CUX2: variants seen among roughly 807,000 people sequenced by gnomAD.
CUX2 encodes cut like homeobox 2.
A neutral mutation model predicts 144.8 loss-of-function variants in CUX2; 40 were observed. The ratio of observed to expected loss-of-function variants is 0.28; its 90% CI spans 0.21 to 0.36. The LOEUF is 0.36. CUX2 is among the 10% of genes least tolerant of loss of function. The pLI is 1.00. For missense variants in CUX2, 1,615 were observed against 1,994.0 expected (o/e 0.81, Z 3.62); for synonymous variants, 827 against 875.6 (o/e 0.94, Z 0.98).
chr12:111,060,554 G>A (rs1870721817), intron 1 of CUX2, among the ~76,000 whole-genome samples: 1 of 152,230 alleles, frequency 6.6e-6, no homozygotes, highest in Non-Finnish European at 1.5e-5. Context: ...CTTGTCACAA[G>A]CACAGAGTTT....
chr12:111,325,638 G>A (rs1167955350), intron 18 of CUX2, among the ~76,000 whole-genome samples: 2 of 142,362 alleles, frequency 1.4e-5, no homozygotes, highest in African/African-American at 5.4e-5. Context: ...GGGGAGGGGT[G>A]GGTTTTGTTT....
At chr12:111,270,217 T>C (rs556406523) in intron 4 of CUX2, 1 of 152,290 alleles carries the variant, frequency 6.6e-6, no homozygotes, top group South Asian at 2.1e-4. Flanking sequence ...CCTGTTTTTA[T>C]ATTTCTTGAC....
intron 1 of CUX2, among the ~76,000 whole-genome samples, chr12:111,064,781 G>A (rs962194303): frequency 1.5e-4 from 23 of 152,142 alleles, no homozygotes; most frequent in African/African-American, 5.1e-4. Context: ...CTGTGAAATT[G>A]GGCAAGTGAA....
At chr12:111,275,906 T>G (rs1460732012) in intron 4 of CUX2, among the ~76,000 whole-genome samples, 1 of 152,118 alleles carries the variant, frequency 6.6e-6, no homozygotes, top group East Asian at 1.9e-4. Flanking sequence ...CTAACGAAAA[T>G]TCAGATTCAG....
chr12:111,304,114 G>C lies in CUX2; in HGVS notation c.754-96G>C. 1 of 963,518 alleles carries C rather than the reference G, an allele frequency of 1.0e-6. No individual in the cohort carries two copies. The highest frequency in any genetic ancestry group is 2.6e-5 in the East Asian group (1 of 38,188). The allele number at this position is 963,518 out of a possible 1,614,324, so 59.7% of individuals were successfully genotyped here. ...GAAGGCAGGACCTGAGGCCCTCGGA[G>C]GTCTGCCTCCCCAACCCCTGCCTGA... On this transcript the variant is annotated intron_variant, in intron 9 of 21. Transcript: ENST00000261726. This position sits in a 1 kb window ranked among gnomAD's most constrained non-coding sequence, Gnocchi z 4.7.
At chr12:111,111,325 A>G (rs531729609) in intron 1 of CUX2, among the ~76,000 whole-genome samples, 1 of 152,110 alleles carries the variant, frequency 6.6e-6, no homozygotes, top group Admixed American at 6.5e-5. Flanking sequence ...AAGAGAGACA[A>G]TGGCTTTGAA....
At chr12:111,104,554 G>T (rs1289951159) in intron 1 of CUX2, among the ~76,000 whole-genome samples, 3 of 152,226 alleles carry the variant, frequency 2.0e-5, no homozygotes, top group African/African-American at 7.2e-5. Flanking sequence ...TCACCCTCTG[G>T]CTGTGTGATG....
chr12:111,173,468 C>G (rs1202431658), intron 1 of CUX2, among the ~76,000 whole-genome samples: 1 of 152,260 alleles, frequency 6.6e-6, no homozygotes, highest in Non-Finnish European at 1.5e-5. Context: ...GGCACCTACT[C>G]TCTTCTAGGC....
intron 1 of CUX2, among the ~76,000 whole-genome samples, chr12:111,107,033 C>T (rs747551320): frequency 1.2e-4 from 19 of 152,322 alleles, no homozygotes; most frequent in South Asian, 2.1e-4. Flanking sequence ...AATGATAACA[C>T]GCAATGCCAC....
intron 16 of CUX2, among the ~76,000 whole-genome samples, chr12:111,313,277 G>A (rs1886998413): frequency 1.3e-5 from 2 of 149,202 alleles, no homozygotes; most frequent in African/African-American, 5.0e-5. Context: ...CACCATGTTG[G>A]TCAGGCTGCT....
In CUX2 at chr12:111,263,421, C is replaced by T. The variant is rs576463144; in HGVS notation, c.223-340C>T. ...AAGAGTTTGAGACCATCCTGGCCAACGTGGTCAAACCGTCTCTACCAAAAG... is the reference window on the plus strand; with the variant it reads ...AAGAGTTTGAGACCATCCTGGCCAATGTGGTCAAACCGTCTCTACCAAAAG... On this transcript the variant is annotated intron_variant, in intron 3 of 21. Transcript: ENST00000261726. The surrounding 1 kb of genome is among the most constrained non-coding windows in gnomAD (Gnocchi z 4.0). Among the ~76,000 whole-genome samples, 3 of 152,168 alleles carry T rather than the reference C, an allele frequency of 2.0e-5. No individual in the cohort carries two copies. The highest frequency in any genetic ancestry group is 2.9e-5 in the Non-Finnish European group (2 of 68,034).
chr12:111,106,073 C>T (rs1412163923), intron 1 of CUX2, among the ~76,000 whole-genome samples: 1 of 151,950 alleles, frequency 6.6e-6, no homozygotes. Flanking sequence ...CTGTGTTGCC[C>T]AGGCTGGTCT....
At chr12:111,055,632 G>A (rs756109702) in intron 1 of CUX2, among the ~76,000 whole-genome samples, 7 of 152,316 alleles carry the variant, frequency 4.6e-5, no homozygotes, top group East Asian at 1.9e-4. Context: ...CCTGCCTCCC[G>A]CCTGGCCCCC....
chr12:111,195,438 A>G (rs1450891345), intron 1 of CUX2, among the ~76,000 whole-genome samples: 1 of 152,174 alleles, frequency 6.6e-6, no homozygotes, highest in Non-Finnish European at 1.5e-5. Flanking sequence ...AACTGACCCC[A>G]TGGGTCCCGG....
chr12:111,155,122 A>C (rs1877294699), intron 1 of CUX2, among the ~76,000 whole-genome samples: 1 of 152,194 alleles, frequency 6.6e-6, no homozygotes, highest in Non-Finnish European at 1.5e-5. Context: ...ACTTCAATTA[A>C]GTTGAGTGAT....
intron 1 of CUX2, among the ~76,000 whole-genome samples, chr12:111,165,752 C>T (rs1271244793): frequency 6.6e-6 from 1 of 152,182 alleles, no homozygotes; most frequent in African/African-American, 2.4e-5. Context: ...AGTGACATCA[C>T]AGCAGGGCTT....
intron 5 of CUX2, among the ~76,000 whole-genome samples, chr12:111,292,027 GT>G (rs1289426406): frequency 1.3e-5 from 2 of 152,168 alleles, no homozygotes; most frequent in African/African-American, 4.8e-5. Context: ...AGGGGAAAAT[GT>G]CTGGCAGTCC....
At chr12:111,149,067 A>G (rs1246688329) in intron 1 of CUX2, among the ~76,000 whole-genome samples, 2 of 152,162 alleles carry the variant, frequency 1.3e-5, no homozygotes, top group Non-Finnish European at 2.9e-5. Context: ...ATTGCGGTTC[A>G]GAGAGGCTAA....
chr12:111,231,999 G>C (rs776164039), intron 3 of CUX2, among the ~76,000 whole-genome samples: 1 of 151,456 alleles, frequency 6.6e-6, no homozygotes, highest in South Asian at 2.1e-4. Flanking sequence ...TCAACTACTC[G>C]AGAGGCTGAG....
Sources: allele counts gnomAD v4.1 joint callset (sites outside exome capture counted in the v4.1 genomes callset), GRCh38; gene constraint gnomAD v4.1.1; non-coding constraint Gnocchi (gnomAD v3.1); transcripts MANE v1.5; gene names NCBI Gene and HGNC (gene_info 2026-07-23, HGNC 2026-07-21).